The following ABLIM2 variants were observed in gnomAD, a reference collection of about 807,000 sequenced individuals.
ABLIM2 encodes the protein actin binding LIM protein family member 2.
In ABLIM2, 53 loss-of-function variants were observed where a neutral mutation model predicts 97.7. The ratio of observed to expected loss-of-function variants is 0.54; its 90% CI spans 0.44 to 0.68. ABLIM2 has a LOEUF of 0.68. Ranked by LOEUF, ABLIM2 falls within the 30% of genes least tolerant of loss-of-function variation. The pLI is 0.00. For missense variants in ABLIM2, 835 were observed against 867.2 expected, an observed-to-expected ratio of 0.96 and a Z score of 0.47; for synonymous variants, 361 against 345.8, an observed-to-expected ratio of 1.04 and a Z score of -0.49.
intron 6 of ABLIM2, among the ~76,000 whole-genome samples, chr4:8,074,089 CAAAAAAAAAAAAA>C (rs869080154): frequency 1.5e-4 from 7 of 45,696 alleles, no homozygotes; most frequent in South Asian, 1.1e-3. Flanking sequence ...CTCTGTCTCA[CAAAAAAAAAAAAA>C]AAAAAAAAAA....
intron 20 of ABLIM2, among the ~76,000 whole-genome samples, chr4:7,978,833 G>A (rs935427035): frequency 2.6e-5 from 4 of 152,238 alleles, no homozygotes; most frequent in Non-Finnish European, 5.9e-5. Context: ...AGCAGTGTTG[G>A]AGTTCCTTTT....
chr4:8,091,340 A>AAT (rs1491388570), intron 3 of ABLIM2, among the ~76,000 whole-genome samples: 1 of 27,572 alleles, frequency 3.6e-5, no homozygotes, highest in African/African-American at 1.9e-4. Flanking sequence ...TTATATATAT[A>AAT]ATATATATAT....
intron 20 of ABLIM2, among the ~76,000 whole-genome samples, chr4:7,969,759 A>G (rs943407337): frequency 1.3e-5 from 2 of 151,712 alleles, no homozygotes; most frequent in Admixed American, 1.3e-4. Context: ...ACACACACAC[A>G]CACACACACA....
At chr4:8,121,204 C>T (rs1023346826) in intron 1 of ABLIM2, among the ~76,000 whole-genome samples, 13 of 152,292 alleles carry the variant, frequency 8.5e-5, no homozygotes, top group East Asian at 1.9e-4. Context: ...GGTGATGTGA[C>T]GGTGACCACA....
At chr4:8,102,305 C>A (rs1835037565) in intron 2 of ABLIM2, among the ~76,000 whole-genome samples, 1 of 152,194 alleles carries the variant, frequency 6.6e-6, no homozygotes, top group Non-Finnish European at 1.5e-5. Context: ...AGGCTTTGCC[C>A]AAAGGTCACC....
At chr4:8,056,301 C>CTTTTTTT (rs1799092413) in intron 7 of ABLIM2, among the ~76,000 whole-genome samples, 1 of 131,070 alleles carries the variant, frequency 7.6e-6, no homozygotes, top group East Asian at 2.7e-4. Flanking sequence ...TTCTTTCTTT[C>CTTTTTTT]TTTCTTTTTT....
In ABLIM2 at chr4:8,125,118, G is replaced by A. The variant is rs137991242; in HGVS notation, c.11-18481C>T. Among the ~76,000 whole-genome samples, 16 of 152,298 alleles carry A rather than the reference G, an allele frequency of 1.1e-4. No homozygotes were observed. The highest frequency in any genetic ancestry group is 3.8e-4 in the African/African-American group (16 of 41,572). ...AGTTATTCGTATATTCGAGATACAAGTCCCGTGTCAGCTTGCTAATTTGCA... is the reference window on the plus strand; with the variant it reads ...AGTTATTCGTATATTCGAGATACAAATCCCGTGTCAGCTTGCTAATTTGCA... On this transcript the variant is annotated intron_variant, in intron 1 of 20. Transcript: ENST00000447017. This position sits in a 1 kb window ranked among gnomAD's most constrained non-coding sequence, Gnocchi z 6.2.
intron 1 of ABLIM2, among the ~76,000 whole-genome samples, chr4:8,126,027 C>T (rs1847742288): frequency 6.6e-6 from 1 of 152,200 alleles, no homozygotes; most frequent in Non-Finnish European, 1.5e-5. Context: ...GTGTCTCCTC[C>T]AAGCCCCACG....
rs1214354905 is a variant in ABLIM2 at position 8,023,374 on chromosome 4, ACT to A, written c.1268-3073_1268-3072del. Among the ~76,000 whole-genome samples the A allele has an allele frequency of 1.3e-5, 2 of 152,040 alleles. No homozygotes were observed. Among genetic ancestry groups the A allele is most frequent in the African/African-American group, 4.8e-5 (2 of 41,392 alleles). On this transcript the variant is annotated intron_variant, in intron 12 of 20. Transcript: ENST00000447017. This position sits in a 1 kb window ranked among gnomAD's most constrained non-coding sequence, Gnocchi z 5.7. ...TTGCAGACGTTCCTTGTGTCTGAGG[ACT>A]CTGGCAGTTTTGAGGAGGGCTGCTG... is the stretch of plus-strand genomic sequence containing the variant.
At chr4:8,115,719 G>A (rs1842498702) in intron 1 of ABLIM2, among the ~76,000 whole-genome samples, 1 of 152,124 alleles carries the variant, frequency 6.6e-6, no homozygotes, top group African/African-American at 2.4e-5. Context: ...ACACTATGTC[G>A]ACCCTTCTCC....
chr4:8,106,837 G>T (rs971910196), intron 1 of ABLIM2, among the ~76,000 whole-genome samples, 200 bp from the exon 2 acceptor site: 4 of 152,258 alleles, frequency 2.6e-5, no homozygotes, highest in Non-Finnish European at 4.4e-5. Flanking sequence ...GCAGGGGTTA[G>T]GGGCCAGAGG....
In ABLIM2 at chr4:8,125,300, G is replaced by A. The variant is rs1233055177; in HGVS notation, c.11-18663C>T. Among the ~76,000 whole-genome samples, 1 of 152,220 alleles carries A rather than the reference G, an allele frequency of 6.6e-6. No homozygotes were observed. Among genetic ancestry groups the A allele is most frequent in the Non-Finnish European group, 1.5e-5 (1 of 68,048 alleles). On this transcript the variant is annotated intron_variant, in intron 1 of 20. Coordinates refer to ENST00000447017, the MANE Select transcript of ABLIM2 (RefSeq NM_001130083.2). The surrounding 1 kb of genome is among the most constrained non-coding windows in gnomAD (Gnocchi z 6.2). ...AAACCATCGCCTGATCCACCGTCAT[G>A]AAGATGCGCTTCTGAGTGTTCTTCT...
chr4:8,025,114 G>C (rs1250224749), intron 12 of ABLIM2, among the ~76,000 whole-genome samples: 2 of 152,170 alleles, frequency 1.3e-5, no homozygotes, highest in African/African-American at 4.8e-5. Flanking sequence ...TTTTAGTAGA[G>C]ACGTGGTTTC....
At chr4:8,144,392 A>G (rs1352914334) in intron 1 of ABLIM2, among the ~76,000 whole-genome samples, 1 of 152,222 alleles carries the variant, frequency 6.6e-6, no homozygotes, top group African/African-American at 2.4e-5. Context: ...CTTATGCCCC[A>G]GGGCCGCCGC....
At chr4:8,144,705 C>G (rs543282092) in intron 1 of ABLIM2, among the ~76,000 whole-genome samples, 1 of 152,230 alleles carries the variant, frequency 6.6e-6, no homozygotes, top group Non-Finnish European at 1.5e-5. Context: ...GCTCCCCACC[C>G]CACCACCTGG....
chr4:8,026,337 C>T (rs772715008), intron 12 of ABLIM2, among the ~76,000 whole-genome samples: 33 of 152,230 alleles, frequency 2.2e-4, no homozygotes, highest in Admixed American at 4.6e-4. Flanking sequence ...GTCAGATCAT[C>T]CCAAAGCTGT....
At position 7,992,144 on chromosome 4, in the gene ABLIM2, G is replaced by C. The variant is rs907748941; in HGVS notation, c.1680+722C>G. On this transcript the variant is annotated intron_variant, in intron 17 of 20. Transcript: ENST00000447017. The surrounding 1 kb of genome is among the most constrained non-coding windows in gnomAD (Gnocchi z 5.7). ...TGCCCCACCCTAAGGATCCTCACTG[G>C]GGACCCCTGTGACGCTGTGGGCAGA... 6.6e-6 allele frequency among the ~76,000 whole-genome samples: 1 copy of C among 151,978 alleles called. No homozygotes were observed. Among genetic ancestry groups the C allele is most frequent in the African/African-American group, 2.4e-5 (1 of 41,386 alleles).
In ABLIM2 at chr4:8,071,897, G is replaced by A. The variant is rs970686257; in HGVS notation, c.675+5731C>T. On this transcript the variant is annotated intron_variant, in intron 6 of 20. Transcript: ENST00000447017. The surrounding 1 kb of genome is among the most constrained non-coding windows in gnomAD (Gnocchi z 6.2). ...ACAGTCTGTCACCTGCTCCTGCTGC[G>A]CCCTGGGAGTCCACTGTCACCCAGC... The A allele has an allele frequency of 6.1e-6, 6 of 985,294 alleles. No individual in the cohort carries two copies. The highest frequency in any genetic ancestry group is 4.7e-5 in the South Asian group (1 of 21,290). 61.0% of individuals were successfully genotyped at this position (985,294 alleles called of 1,614,324 possible). A position where few individuals can be genotyped will look rare whatever the true frequency, so the allele number is the denominator to read the frequency against.
At chr4:8,080,206 G>A (rs748250969) in intron 5 of ABLIM2, among the ~76,000 whole-genome samples, 4 of 152,342 alleles carry the variant, frequency 2.6e-5, no homozygotes, top group East Asian at 1.9e-4. Flanking sequence ...GACAGAGTGC[G>A]TGGCTGTGGG....
Sources: allele counts gnomAD v4.1 joint callset (sites outside exome capture counted in the v4.1 genomes callset), GRCh38; gene constraint gnomAD v4.1.1; non-coding constraint Gnocchi (gnomAD v3.1); transcripts MANE v1.5; gene names NCBI Gene and HGNC (gene_info 2026-07-23, HGNC 2026-07-21).